The following FRMD4B variants were observed in gnomAD, a reference collection of about 807,000 sequenced individuals.
The protein encoded by FRMD4B is FERM domain containing 4B.
In FRMD4B, 74 loss-of-function variants were observed where a neutral mutation model predicts 141.5. The ratio of observed to expected loss-of-function variants is 0.52; its 90% CI spans 0.43 to 0.63. The LOEUF (loss-of-function observed/expected upper bound fraction) is 0.63, where lower values mean the gene tolerates loss of function less well. Among genes scored for constraint, FRMD4B ranks in the 30% least tolerant of loss-of-function variants. FRMD4B has a pLI of 0.00. For synonymous variants in FRMD4B, 506 were observed against 467.9 expected (o/e 1.08, Z -1.05); for missense variants, 1,366 against 1,253.4 (o/e 1.09, Z -1.36).
intron 1 of FRMD4B, among the ~76,000 whole-genome samples, chr3:69,482,257 T>C (rs1706136111): frequency 6.6e-6 from 1 of 151,476 alleles, no homozygotes; most frequent in African/African-American, 2.4e-5. Context: ...TGCAATAGAG[T>C]ATTTAAAAAA....
intron 7 of FRMD4B, among the ~76,000 whole-genome samples, chr3:69,225,725 AAAAGAG>A (rs1293305894): frequency 0.27 from 21,613 of 80,432 alleles, 5,976 homozygotes; most frequent in South Asian, 0.44. Context: ...AAAAAAAAAA[AAAAGAG>A]GGAGAACACG....
intron 5 of FRMD4B, among the ~76,000 whole-genome samples, chr3:69,260,280 C>T (rs536042353): frequency 2.6e-5 from 4 of 152,302 alleles, no homozygotes; most frequent in South Asian, 2.1e-4. Context: ...GAGGCGCCAG[C>T]GGGAACCAGG....
rs557360925 is a variant in FRMD4B, at chr3:69,431,890, A to G, written c.-1+744T>C. Reference sequence around the variant, plus strand: ...CAGTTCATAGTTGTGCATATTTTACATCAATGTCCTTCAAACCGTTTTTGC... The same window carrying G: ...CAGTTCATAGTTGTGCATATTTTACGTCAATGTCCTTCAAACCGTTTTTGC... On this transcript the variant is annotated intron_variant, in intron 2 of 5. Coordinates refer to the FRMD4B transcript ENST00000459638. Among the ~76,000 whole-genome samples the G allele has an allele frequency of 1.6e-3, 243 of 152,338 alleles. 2 individuals carry two copies. The highest frequency in any genetic ancestry group is 3.4e-3 in the Middle Eastern group (1 of 294).
At chr3:69,394,571 A>C (rs1262970092) in intron 2 of FRMD4B, among the ~76,000 whole-genome samples, 1 of 152,324 alleles carries the variant, frequency 6.6e-6, no homozygotes, top group South Asian at 2.1e-4. Flanking sequence ...TGTTGGTGGG[A>C]GTGTAAATTA....
intron 7 of FRMD4B, among the ~76,000 whole-genome samples, chr3:69,246,813 A>G (rs2093428846): frequency 6.6e-6 from 1 of 152,216 alleles, no homozygotes; most frequent in South Asian, 2.1e-4. Flanking sequence ...AACCACCAGG[A>G]ACAAGCTCGA....
intron 2 of FRMD4B, among the ~76,000 whole-genome samples, chr3:69,417,082 G>A (rs571942009): frequency 6.6e-6 from 1 of 152,226 alleles, no homozygotes; most frequent in East Asian, 1.9e-4. Flanking sequence ...TGGGATTGCT[G>A]GACCAAATGG....
intron 7 of FRMD4B, among the ~76,000 whole-genome samples, chr3:69,247,454 C>T (rs1228015843): frequency 1.3e-5 from 2 of 152,104 alleles, no homozygotes; most frequent in Admixed American, 6.5e-5. Flanking sequence ...TCTGATATTC[C>T]CAGGAAACGT....
chr3:69,252,393 C>G (rs1227566151), intron 5 of FRMD4B, among the ~76,000 whole-genome samples: 1 of 152,102 alleles, frequency 6.6e-6, no homozygotes. Flanking sequence ...AGGAGGGTGA[C>G]GGTGCGGTGA....
chr3:69,264,971 T>A (rs896763568), intron 5 of FRMD4B, among the ~76,000 whole-genome samples: 1 of 151,952 alleles, frequency 6.6e-6, no homozygotes, highest in African/African-American at 2.4e-5. Flanking sequence ...TATACAGATA[T>A]GAGGTCGGGC....
chr3:69,515,699 C>G (rs1396054863), intron 1 of FRMD4B, among the ~76,000 whole-genome samples: 1 of 151,786 alleles, frequency 6.6e-6, no homozygotes, highest in Non-Finnish European at 1.5e-5. Context: ...GAATATGTAT[C>G]TAAAGATTTA....
chr3:69,444,323 C>T (rs1038336766), intron 1 of FRMD4B, among the ~76,000 whole-genome samples: 3 of 152,152 alleles, frequency 2.0e-5, no homozygotes, highest in Admixed American at 1.3e-4. Context: ...TGGGTGATTA[C>T]AGTATCTGAT....
At chr3:69,454,071 A>C (rs1705543930) in intron 1 of FRMD4B, among the ~76,000 whole-genome samples, 1 of 152,120 alleles carries the variant, frequency 6.6e-6, no homozygotes, top group Non-Finnish European at 1.5e-5. Context: ...TAAATAAGAG[A>C]AGTAGATTGG....
intron 17 of FRMD4B, 72 bp downstream of exon 17, chr3:69,193,576 G>A (rs2092864278): frequency 1.0e-5 from 8 of 780,618 alleles, no homozygotes; most frequent in Non-Finnish European, 1.7e-5. Flanking sequence ...ACTGGTAACT[G>A]GTTTGGAAAT....
intron 7 of FRMD4B, among the ~76,000 whole-genome samples, chr3:69,248,744 C>T (rs1381051782): frequency 1.3e-5 from 2 of 152,242 alleles, no homozygotes; most frequent in Admixed American, 1.3e-4. Flanking sequence ...CATTAAGTGT[C>T]TCCGCAGCAA....
chr3:69,516,758 T>C (rs1700765564), intron 1 of FRMD4B, among the ~76,000 whole-genome samples: 1 of 152,234 alleles, frequency 6.6e-6, no homozygotes, highest in Admixed American at 6.5e-5. Flanking sequence ...TTTAACACTA[T>C]AGAATCTGGT....
chr3:69,443,012 T>C (rs990826123), intron 1 of FRMD4B, among the ~76,000 whole-genome samples: 1 of 152,202 alleles, frequency 6.6e-6, no homozygotes, highest in Non-Finnish European at 1.5e-5. Context: ...TTACTCATAA[T>C]AAGCCCCTTT....
chr3:69,223,379 G>A (rs570059450), intron 8 of FRMD4B, among the ~76,000 whole-genome samples: 137 of 152,106 alleles, frequency 9.0e-4, no homozygotes, highest in African/African-American at 3.0e-3. Context: ...GCTGGGCATC[G>A]TACCGTGTGC....
At chr3:69,445,853 T>A (rs1376072178) in intron 1 of FRMD4B, among the ~76,000 whole-genome samples, 1 of 152,190 alleles carries the variant, frequency 6.6e-6, no homozygotes, top group African/African-American at 2.4e-5. Flanking sequence ...TTCTGTCTGG[T>A]CCTGAAATTA....
At chr3:69,499,899 C>T (rs2107058776) in intron 1 of FRMD4B, among the ~76,000 whole-genome samples, 1 of 152,326 alleles carries the variant, frequency 6.6e-6, no homozygotes, top group South Asian at 2.1e-4. Flanking sequence ...TCCTGTTGCC[C>T]ATTGCTGACC....
Sources: allele counts gnomAD v4.1 joint callset (sites outside exome capture counted in the v4.1 genomes callset), GRCh38; gene constraint gnomAD v4.1.1; transcripts MANE v1.5; gene names NCBI Gene and HGNC (gene_info 2026-07-23, HGNC 2026-07-21).